LHFPL4: variants seen among roughly 807,000 people sequenced by gnomAD.
LHFPL4 encodes the protein LHFPL tetraspan subfamily member 4.
Under a neutral mutation model 20.0 loss-of-function variants are expected in LHFPL4, and 6 were observed. That is an observed-to-expected ratio of 0.30 (90% CI 0.16 to 0.59). The LOEUF is 0.59. Ranked by LOEUF, LHFPL4 falls within the 20% of genes least tolerant of loss-of-function variation. The pLI, the probability that LHFPL4 is intolerant of heterozygous loss-of-function variation, is 0.88. For synonymous variants in LHFPL4, 129 were observed against 143.8 expected (o/e 0.90, Z 0.74); for missense variants, 215 against 331.2 (o/e 0.65, Z 2.72).
chr3:9,549,487 G>A (rs2046539021), intron 2 of LHFPL4, among the ~76,000 whole-genome samples: 1 of 152,174 alleles, frequency 6.6e-6, no homozygotes, highest in Non-Finnish European at 1.5e-5. Context: ...CCTGAGGTCA[G>A]GAGTTTGAGA....
At chr3:9,516,733 C>G (rs983513187) in intron 2 of LHFPL4, among the ~76,000 whole-genome samples, 2 of 151,112 alleles carry the variant, frequency 1.3e-5, no homozygotes, top group African/African-American at 2.4e-5. Flanking sequence ...CTCGGCCTCT[C>G]AAAGTGCTGG....
chr3:9,541,215 T>C (rs942108452), intron 2 of LHFPL4, among the ~76,000 whole-genome samples: 41 of 152,104 alleles, frequency 2.7e-4, no homozygotes, highest in Middle Eastern at 3.4e-3. Context: ...GTGCTGGGGT[T>C]ACAGGCGTGA....
intron 2 of LHFPL4, among the ~76,000 whole-genome samples, chr3:9,533,881 A>AT (rs1347104433): frequency 2.0e-5 from 3 of 150,808 alleles, no homozygotes; most frequent in African/African-American, 7.3e-5. Flanking sequence ...TCACTTTGTG[A>AT]TTTTCTTTGG....
intron 2 of LHFPL4, among the ~76,000 whole-genome samples, chr3:9,528,851 G>A (rs2125662223): frequency 6.6e-6 from 1 of 151,988 alleles, no homozygotes; most frequent in South Asian, 2.1e-4. Flanking sequence ...CTGACCTCAG[G>A]TGATCTGCTC....
chr3:9,518,126 A>G (rs1486626947), intron 2 of LHFPL4, among the ~76,000 whole-genome samples: 1 of 152,066 alleles, frequency 6.6e-6, no homozygotes, highest in Non-Finnish European at 1.5e-5. Context: ...TAGGTGTTAA[A>G]TTTCAACAAA....
intron 2 of LHFPL4, among the ~76,000 whole-genome samples, chr3:9,544,912 A>C (rs1288377311): frequency 6.6e-6 from 1 of 152,172 alleles, no homozygotes; most frequent in African/African-American, 2.4e-5. Context: ...CTGCCCTCAG[A>C]ATACCCTGTA....
At chr3:9,512,173 C>T (rs2046265628) in intron 2 of LHFPL4, among the ~76,000 whole-genome samples, 1 of 152,210 alleles carries the variant, frequency 6.6e-6, no homozygotes. Context: ...CCTCGTGATC[C>T]ACCCGCCTTG....
chr3:9,515,204 T>C (rs142390464), intron 2 of LHFPL4, among the ~76,000 whole-genome samples: 1,565 of 152,332 alleles, frequency 0.01, 13 homozygotes, highest in Non-Finnish European at 0.017. Context: ...AATAAGTATG[T>C]AGTGCTATCT....
intron 2 of LHFPL4, among the ~76,000 whole-genome samples, chr3:9,530,823 C>T (rs1314784431): frequency 6.6e-6 from 1 of 152,024 alleles, no homozygotes; most frequent in African/African-American, 2.4e-5. Context: ...TCTTGAACTT[C>T]TGATCTCAAG....
intron 2 of LHFPL4, among the ~76,000 whole-genome samples, chr3:9,515,961 C>A (rs1559516734): frequency 6.6e-6 from 1 of 151,980 alleles, no homozygotes; most frequent in Non-Finnish European, 1.5e-5. Context: ...GTGATCCACC[C>A]ACCTCAGCCT....
intron 3 of LHFPL4, among the ~76,000 whole-genome samples, chr3:9,504,000 T>A (rs1275821362): frequency 6.6e-6 from 1 of 152,160 alleles, no homozygotes; most frequent in Non-Finnish European, 1.5e-5. Context: ...CACTCCAGCC[T>A]GAGCAGCAGA....
intron 2 of LHFPL4, among the ~76,000 whole-genome samples, chr3:9,535,951 A>G (rs1430686788): frequency 1.3e-5 from 2 of 152,126 alleles, no homozygotes; most frequent in Non-Finnish European, 2.9e-5. Context: ...ACAGCCACGC[A>G]CCACCACGCT....
chr3:9,509,189 C>G (rs571389147), intron 2 of LHFPL4, among the ~76,000 whole-genome samples: 2 of 152,082 alleles, frequency 1.3e-5, no homozygotes, highest in East Asian at 3.9e-4. Context: ...CTCTCTCTTT[C>G]ATTCTGTGTC....
chr3:9,535,149 G>C (rs1481374581), intron 2 of LHFPL4, among the ~76,000 whole-genome samples: 3 of 152,174 alleles, frequency 2.0e-5, no homozygotes, highest in Non-Finnish European at 4.4e-5. Flanking sequence ...CTCATGATGT[G>C]TTAGGTCTCA....
In LHFPL4 at chr3:9,507,497, G is replaced by A. The variant is rs1559514562; in HGVS notation, c.407-1294C>T. 2.0e-5 allele frequency among the ~76,000 whole-genome samples: 3 copies of A among 152,232 alleles called. No individual in the cohort carries two copies. In the South Asian group the frequency reaches 6.2e-4, roughly 32 times the overall value. On this transcript the variant is annotated intron_variant, in intron 2 of 3. Transcript: ENST00000287585. Reference sequence around the variant, plus strand: ...AAGTGTAAAGTGCCTGGCACAGTAAGTTCTGGGTAAATCTTAGCTGTTATC... The same window carrying A: ...AAGTGTAAAGTGCCTGGCACAGTAAATTCTGGGTAAATCTTAGCTGTTATC...
At chr3:9,542,780 C>A (rs1325542281) in intron 2 of LHFPL4, among the ~76,000 whole-genome samples, 1 of 144,296 alleles carries the variant, frequency 6.9e-6, no homozygotes, top group African/African-American at 2.6e-5. Flanking sequence ...GTACTCCAGC[C>A]TGGGTAACAG....
rs1015213067 is a variant in LHFPL4 at position 9,501,547 on chromosome 3, G to T, written c.*664C>A. On this transcript the variant is annotated 3_prime_UTR_variant, in exon 4 of 4. Transcript: ENST00000287585. ...CTCCCGCTACCTCCAGAGCCTGAAA[G>T]TCTTTTCTGACTCTGGGCTGATCAG... is the stretch of plus-strand genomic sequence containing the variant. 1 of 152,412 alleles carries T rather than the reference G, an allele frequency of 6.6e-6. No individual in the cohort carries two copies. Among genetic ancestry groups the T allele is most frequent in the African/African-American group, 2.4e-5 (1 of 41,440 alleles). 9.4% of individuals were successfully genotyped at this position (152,412 alleles called of 1,614,324 possible). A position where few individuals can be genotyped will look rare whatever the true frequency, so the allele number is the denominator to read the frequency against.
rs1041187121 is a variant in LHFPL4 at position 9,501,989 on chromosome 3, G to A, written c.*222C>T. 1 of 583,320 alleles carries A rather than the reference G, an allele frequency of 1.7e-6. No homozygotes were observed. The highest frequency in any genetic ancestry group is 3.1e-6 in the Non-Finnish European group (1 of 324,770). 36.1% of individuals were successfully genotyped at this position (583,320 alleles called of 1,614,324 possible). On this transcript the variant is annotated 3_prime_UTR_variant, in exon 4 of 4. Coordinates refer to ENST00000287585, the MANE Select transcript of LHFPL4 (RefSeq NM_198560.3). ...TGCAGGCTCCCTTAGGTCAAATTGA[G>A]GGAGGAGCAAGAATTAGACCCTCCC...
chr3:9,525,995 T>TA (rs910111753), intron 2 of LHFPL4, among the ~76,000 whole-genome samples: 57 of 152,150 alleles, frequency 3.7e-4, no homozygotes, highest in African/African-American at 1.2e-3. Context: ...CCTTTAGTTT[T>TA]AAAAAAAGTA....
Sources: allele counts gnomAD v4.1 joint callset (sites outside exome capture counted in the v4.1 genomes callset), GRCh38; gene constraint gnomAD v4.1.1; transcripts MANE v1.5; gene names NCBI Gene and HGNC (gene_info 2026-07-23, HGNC 2026-07-21).